Variants in ARHGAP15 observed in about 807,000 individuals in gnomAD.
The protein encoded by ARHGAP15 is Rho GTPase activating protein 15.
A neutral mutation model predicts 63.7 loss-of-function variants in ARHGAP15; 51 were observed. The observed-to-expected ratio is 0.80, with a 90% CI of 0.64 to 1.01. ARHGAP15 has a LOEUF of 1.01. Ranked by LOEUF, ARHGAP15 falls within the 50% of genes least tolerant of loss-of-function variation. The probability of loss-of-function intolerance (pLI) is 0.00; values close to 1 mark genes in which losing one functional copy is unlikely to be tolerated. For missense variants in ARHGAP15, 560 were observed against 564.6 expected (o/e 0.99, Z 0.08); for synonymous variants, 191 against 193.8 (o/e 0.99, Z 0.12).
intron 12 of ARHGAP15, among the ~76,000 whole-genome samples, chr2:143,659,270 A>C (rs1380908361): frequency 1.3e-5 from 2 of 152,158 alleles, no homozygotes; most frequent in Non-Finnish European, 2.9e-5. Context: ...TAAAATTTCT[A>C]TTTGGTGGGG....
At chr2:143,562,830 G>A (rs970899591) in intron 11 of ARHGAP15, among the ~76,000 whole-genome samples, 5 of 152,192 alleles carry the variant, frequency 3.3e-5, no homozygotes, top group African/African-American at 1.2e-4. Context: ...GGTCAAAAGA[G>A]TAAGTTATTC....
At chr2:143,402,490 T>TG (rs1558947241) in intron 6 of ARHGAP15, among the ~76,000 whole-genome samples, 10 of 149,794 alleles carry the variant, frequency 6.7e-5, no homozygotes, top group Admixed American at 1.4e-4. Flanking sequence ...AGAATTAACC[T>TG]GCTTGGGAAC....
chr2:143,602,028 G>T (rs1255327750), intron 11 of ARHGAP15, among the ~76,000 whole-genome samples: 1 of 150,776 alleles, frequency 6.6e-6, no homozygotes, highest in East Asian at 1.9e-4. Flanking sequence ...TCTTTTTTTT[G>T]GCATGTGTCA....
intron 6 of ARHGAP15, among the ~76,000 whole-genome samples, chr2:143,391,309 TA>T (rs2104969014): frequency 1.3e-5 from 2 of 152,198 alleles, no homozygotes; most frequent in East Asian, 3.8e-4. Context: ...GATTACAGAA[TA>T]AAACCTAGTT....
chr2:143,525,872 A>C (rs1326203774), intron 10 of ARHGAP15, among the ~76,000 whole-genome samples: 1 of 152,198 alleles, frequency 6.6e-6, no homozygotes, highest in African/African-American at 2.4e-5. Context: ...GACAAGGTGG[A>C]GAGGCGGGGG....
intron 11 of ARHGAP15, among the ~76,000 whole-genome samples, chr2:143,611,867 T>A (rs1288199348): frequency 6.6e-6 from 1 of 152,200 alleles, no homozygotes; most frequent in Non-Finnish European, 1.5e-5. Flanking sequence ...TCATTCCCCC[T>A]TTACCACCCC....
chr2:143,429,983 A>G (rs1400243997), intron 6 of ARHGAP15, among the ~76,000 whole-genome samples: 2 of 152,084 alleles, frequency 1.3e-5, no homozygotes, highest in Non-Finnish European at 2.9e-5. Context: ...AGACCAGAAA[A>G]GTGTTTGTGT....
rs772169516 is a variant in ARHGAP15 at position 143,624,129 on chromosome 2, C to A, written c.1004-4C>A. The A allele has an allele frequency of 4.3e-6, 7 of 1,612,174 alleles. No homozygotes were observed. Among genetic ancestry groups the A allele is most frequent in the Non-Finnish European group, 5.9e-6 (7 of 1,178,942 alleles). On this transcript the variant is annotated splice_polypyrimidine_tract_variant and splice_region_variant and intron_variant, in intron 11 of 13. Coordinates refer to ENST00000295095, the MANE Select transcript of ARHGAP15 (RefSeq NM_018460.4). ...TTGTTCCATTTCTCCTCGTGTTTTC[C>A]CAGAAGAGAAGCTGAATTTGGACGA...
Position 143,242,177 on chromosome 2 carries a change from G to T in ARHGAP15, c.385-8334G>T, listed in dbSNP as rs547498818. On this transcript the variant is annotated intron_variant, in intron 5 of 13. Transcript: ENST00000295095. Reference sequence around the variant, plus strand: ...CAAAGTGGCATTTCATCTAAAGTAGGAAGTGGTGGAAGGAGCCAAAGGCCC... The same window carrying T: ...CAAAGTGGCATTTCATCTAAAGTAGTAAGTGGTGGAAGGAGCCAAAGGCCC... 4.6e-5 allele frequency among the ~76,000 whole-genome samples: 7 copies of T among 152,296 alleles called. No homozygotes were observed. In the South Asian group the frequency reaches 1.4e-3, roughly 32 times the overall value.
intron 13 of ARHGAP15, among the ~76,000 whole-genome samples, chr2:143,731,334 A>G (rs957239555): frequency 2.0e-5 from 3 of 152,218 alleles, no homozygotes; most frequent in African/African-American, 7.2e-5. Context: ...TAATTCCATC[A>G]CAGAGATTCC....
intron 9 of ARHGAP15, among the ~76,000 whole-genome samples, chr2:143,511,574 T>TTGTG (rs540847273): frequency 1.0e-3 from 157 of 151,716 alleles, no homozygotes; most frequent in Middle Eastern, 3.4e-3. Flanking sequence ...TCTTTTTTGT[T>TTGTG]TGTTTGTTTG....
intron 6 of ARHGAP15, among the ~76,000 whole-genome samples, chr2:143,304,391 G>A (rs1226563370): frequency 6.6e-6 from 1 of 151,958 alleles, no homozygotes; most frequent in Admixed American, 6.6e-5. Flanking sequence ...ACACATAGGT[G>A]GGAATTGAAC....
chr2:143,676,736 CA>C (rs1048315943), intron 12 of ARHGAP15, among the ~76,000 whole-genome samples: 6 of 151,968 alleles, frequency 3.9e-5, no homozygotes, highest in Non-Finnish European at 7.4e-5. Context: ...ATCACTATAA[CA>C]GATAAAATAA....
At chr2:143,286,274 C>CT (rs1307676586) in intron 6 of ARHGAP15, among the ~76,000 whole-genome samples, 1 of 152,162 alleles carries the variant, frequency 6.6e-6, no homozygotes, top group African/African-American at 2.4e-5. Context: ...AGGACTGAAG[C>CT]TTGAAGCTCT....
chr2:143,590,048 T>C (rs148006715), intron 11 of ARHGAP15, among the ~76,000 whole-genome samples: 34 of 152,264 alleles, frequency 2.2e-4, no homozygotes, highest in African/African-American at 7.5e-4. Context: ...TTAAAACTCA[T>C]TTTGTATTTG....
At chr2:143,171,837 T>C (rs953859149) in intron 2 of ARHGAP15, 10 of 152,114 alleles carry the variant, frequency 6.6e-5, no homozygotes, top group African/African-American at 2.4e-4. Flanking sequence ...AATAAATCTG[T>C]AGTGGGTTTT....
intron 13 of ARHGAP15, among the ~76,000 whole-genome samples, chr2:143,717,195 G>T (rs1014727564): frequency 6.6e-6 from 1 of 152,098 alleles, no homozygotes; most frequent in African/African-American, 2.4e-5. Context: ...GCCCAACCAC[G>T]GAAGATATTC....
intron 9 of ARHGAP15, among the ~76,000 whole-genome samples, chr2:143,509,340 A>AT (rs1693471600): frequency 6.6e-6 from 1 of 152,020 alleles, no homozygotes; most frequent in African/African-American, 2.4e-5. Flanking sequence ...ATGAAAAAAA[A>AT]AAAAAATAAG....
At chr2:143,237,057 G>A (rs1330584893) in intron 5 of ARHGAP15, 1 of 152,110 alleles carries the variant, frequency 6.6e-6, no homozygotes, top group Non-Finnish European at 1.5e-5. Flanking sequence ...TGGGAGAAGA[G>A]ATCATTTCAT....
Sources: gnomAD v4.1 joint callset for allele counts (sites outside exome capture counted in the v4.1 genomes callset) on GRCh38, gnomAD v4.1.1 for gene constraint, MANE v1.5 for transcripts, NCBI Gene and HGNC (gene_info 2026-07-23, HGNC 2026-07-21) for gene names.